MGMT: variants seen among roughly 807,000 people sequenced by gnomAD.
MGMT encodes O-6-methylguanine-DNA methyltransferase, also known as methylated-DNA--protein-cysteine methyltransferase.
A neutral mutation model predicts 15.9 loss-of-function variants in MGMT; 14 were observed. The observed-to-expected ratio is 0.88, with a 90% CI of 0.58 to 1.37. The LOEUF (loss-of-function observed/expected upper bound fraction) is 1.37. Among genes scored for constraint, MGMT ranks in the 40% most tolerant of loss-of-function variants. The pLI, the probability that MGMT is intolerant of heterozygous loss-of-function variation, is 0.00. For synonymous variants in MGMT, 130 were observed against 118.2 expected, an observed-to-expected ratio of 1.10 and a Z score of -0.65; for missense variants, 282 against 268.1, an observed-to-expected ratio of 1.05 and a Z score of -0.36.
At chr10:129,606,550 C>A (rs1015039232) in intron 2 of MGMT, among the ~76,000 whole-genome samples, 8 of 152,184 alleles carry the variant, frequency 5.3e-5, no homozygotes, top group African/African-American at 1.9e-4. Context: ...AATGAAAAGT[C>A]ATTTGTGCCT....
intron 2 of MGMT, among the ~76,000 whole-genome samples, chr10:129,647,705 C>T (rs901051185): frequency 2.6e-5 from 4 of 152,226 alleles, no homozygotes; most frequent in African/African-American, 4.8e-5. Flanking sequence ...ATTTAAATAG[C>T]GGCAACAGAA....
intron 2 of MGMT, chr10:129,536,590 T>C (rs1845987946): frequency 3.6e-6 from 2 of 555,358 alleles, no homozygotes; most frequent in Admixed American, 7.1e-5. Flanking sequence ...CCACCTCCGA[T>C]GAACCCAGGG....
intron 2 of MGMT, among the ~76,000 whole-genome samples, chr10:129,570,690 T>A (rs78560900): frequency 0.058 from 8,883 of 152,328 alleles, 368 homozygotes; most frequent in Admixed American, 0.082. Flanking sequence ...ATTTGTTTAA[T>A]TTTGACTGAA....
chr10:129,625,394 C>A (rs1387143122), intron 2 of MGMT, among the ~76,000 whole-genome samples: 1 of 152,062 alleles, frequency 6.6e-6, no homozygotes, highest in Non-Finnish European at 1.5e-5. Flanking sequence ...ACCAAGATGC[C>A]AAGATGTGTC....
chr10:129,498,575 G>T (rs565842148), intron 1 of MGMT, among the ~76,000 whole-genome samples: 1 of 152,268 alleles, frequency 6.6e-6, no homozygotes, highest in Admixed American at 6.5e-5. Context: ...GTATAGTCCA[G>T]TGCTGTCTTT....
chr10:129,646,754 A>ATATATATATATATATATATATTTTTT, intron 2 of MGMT, among the ~76,000 whole-genome samples: 1 of 86,674 alleles, frequency 1.2e-5, no homozygotes, highest in Non-Finnish European at 2.6e-5. Context: ...ATATATATAT[A>ATATATATATATATATATATATTTTTT]TTTTCAGGGA....
chr10:129,733,449 C>G (rs1848525109), intron 3 of MGMT, among the ~76,000 whole-genome samples: 1 of 149,662 alleles, frequency 6.7e-6, no homozygotes, highest in Non-Finnish European at 1.5e-5. Context: ...ATTGTAGATT[C>G]TGGATATTAG....
At chr10:129,686,290 C>T (rs980343458) in intron 2 of MGMT, among the ~76,000 whole-genome samples, 7 of 152,142 alleles carry the variant, frequency 4.6e-5, no homozygotes, top group Non-Finnish European at 8.8e-5. Context: ...CCTAAATCAG[C>T]TTCCAAGCTG....
chr10:129,587,342 T>C (rs1453546859), intron 2 of MGMT, among the ~76,000 whole-genome samples: 1 of 151,418 alleles, frequency 6.6e-6, no homozygotes, highest in African/African-American at 2.4e-5. Context: ...TGCAGTGTTT[T>C]ATTTTGGTAG....
At chr10:129,517,756 T>C (rs1284435735) in intron 1 of MGMT, among the ~76,000 whole-genome samples, 2 of 152,114 alleles carry the variant, frequency 1.3e-5, no homozygotes, top group African/African-American at 2.4e-5. Context: ...ACCAGCTTCC[T>C]GTCTCCACAC....
At chr10:129,668,341 C>T (rs1847683062) in intron 2 of MGMT, among the ~76,000 whole-genome samples, 3 of 151,834 alleles carry the variant, frequency 2.0e-5, no homozygotes, top group Non-Finnish European at 4.4e-5. Context: ...GATGCTGGGC[C>T]AGAGTGGGCC....
chr10:129,749,285 C>G (rs1031796973), intron 3 of MGMT, among the ~76,000 whole-genome samples: 1 of 152,170 alleles, frequency 6.6e-6, no homozygotes, highest in East Asian at 1.9e-4. Context: ...TCCACCTATT[C>G]AGTCCCCCGC....
Position 129,496,861 on chromosome 10 carries a change from T to A in MGMT, c.-13+29565T>A, listed in dbSNP as rs532111228. 1.0e-3 allele frequency among the ~76,000 whole-genome samples: 159 copies of A among 152,316 alleles called. 1 individual carries two copies. Among genetic ancestry groups the A allele is most frequent in the African/African-American group, 3.7e-3 (154 of 41,568 alleles). On this transcript the variant is annotated intron_variant, in intron 1 of 4. Coordinates refer to ENST00000651593, the MANE Select transcript of MGMT (RefSeq NM_002412.5). Reference sequence around the variant, plus strand: ...TTGTTTTGTTAATTTTTTTCTTTTTTAAAAAATTAATTGTAGAGATGGGGT... The same window carrying A: ...TTGTTTTGTTAATTTTTTTCTTTTTAAAAAAATTAATTGTAGAGATGGGGT...
intron 2 of MGMT, chr10:129,700,595 A>G (rs1392097245): frequency 6.6e-6 from 1 of 152,128 alleles, no homozygotes; most frequent in Non-Finnish European, 1.5e-5. Flanking sequence ...CAGTATTCTC[A>G]CCACTAACCG....
chr10:129,754,381 C>T (rs891322783), intron 3 of MGMT, among the ~76,000 whole-genome samples: 6 of 152,122 alleles, frequency 3.9e-5, no homozygotes, highest in East Asian at 1.9e-4. Flanking sequence ...AAAGACATTT[C>T]GCCCACCTCT....
chr10:129,557,803 G>C (rs1846230905), intron 2 of MGMT, among the ~76,000 whole-genome samples: 2 of 152,156 alleles, frequency 1.3e-5, no homozygotes, highest in African/African-American at 4.8e-5. Flanking sequence ...GATGAGTGTG[G>C]ATGCCTAGGT....
At chr10:129,748,161 G>A (rs1848714955) in intron 3 of MGMT, among the ~76,000 whole-genome samples, 1 of 152,190 alleles carries the variant, frequency 6.6e-6, no homozygotes, top group African/African-American at 2.4e-5. Flanking sequence ...TGAAGACAGA[G>A]TATCTACATA....
At chr10:129,687,340 T>C (rs150113942) in intron 2 of MGMT, among the ~76,000 whole-genome samples, 1 of 152,198 alleles carries the variant, frequency 6.6e-6, no homozygotes, top group African/African-American at 2.4e-5. Flanking sequence ...TAGCCCGACG[T>C]ATCACCCAAA....
At chr10:129,522,751 T>A (rs888792271) in intron 1 of MGMT, among the ~76,000 whole-genome samples, 3 of 152,170 alleles carry the variant, frequency 2.0e-5, no homozygotes, top group Non-Finnish European at 4.4e-5. Flanking sequence ...CATGTCGATG[T>A]CTGGACGAGG....
Sources: allele counts gnomAD v4.1 joint callset (sites outside exome capture counted in the v4.1 genomes callset), GRCh38; gene constraint gnomAD v4.1.1; transcripts MANE v1.5; gene names NCBI Gene and HGNC (gene_info 2026-07-23, HGNC 2026-07-21).